The following SHC4 variants were observed in gnomAD, a reference collection of about 807,000 sequenced individuals.
SHC4 encodes SHC-transforming protein 4.
Under a neutral mutation model 69.4 loss-of-function variants are expected in SHC4, and 41 were observed. The observed-to-expected ratio is 0.59, with a 90% CI of 0.46 to 0.77. The LOEUF is 0.77. Among genes scored for constraint, SHC4 ranks in the 30% least tolerant of loss-of-function variants. SHC4 has a pLI of 0.00. For synonymous variants in SHC4, 318 were observed against 299.3 expected (o/e 1.06, Z -0.64); for missense variants, 777 against 783.8 (o/e 0.99, Z 0.10).
In SHC4 at chr15:48,890,742, A is replaced by G; in HGVS notation, c.720+6T>C. The G allele has an allele frequency of 2.5e-6, 4 of 1,614,068 alleles. No homozygotes were observed. The highest frequency in any genetic ancestry group is 2.2e-5 in the East Asian group (1 of 44,886). On this transcript the variant is annotated splice_donor_region_variant and intron_variant, in intron 3 of 11. Transcript: ENST00000332408. ...ACATAAACAAGAAAACCACATCATCATTTACCTTTCGCTTTTTAATGGCTC... is the reference window on the plus strand; with the variant it reads ...ACATAAACAAGAAAACCACATCATCGTTTACCTTTCGCTTTTTAATGGCTC...
At chr15:48,827,043 A>C (rs982673542) in intron 11 of SHC4, among the ~76,000 whole-genome samples, 3 of 152,128 alleles carry the variant, frequency 2.0e-5, no homozygotes. Context: ...GAAGCTGTAC[A>C]TTACTATCCA....
At chr15:48,954,060 C>T (rs1347531444) in intron 1 of SHC4, among the ~76,000 whole-genome samples, 2 of 152,192 alleles carry the variant, frequency 1.3e-5, no homozygotes, top group Non-Finnish European at 2.9e-5. Flanking sequence ...TAATCTACAT[C>T]CCGGGTTCAT....
chr15:48,873,637 A>T (rs755928928), intron 4 of SHC4, among the ~76,000 whole-genome samples: 11 of 152,162 alleles, frequency 7.2e-5, no homozygotes, highest in Non-Finnish European at 1.6e-4. Flanking sequence ...GCTACTCAGG[A>T]GTCTGAGGCA....
intron 1 of SHC4, among the ~76,000 whole-genome samples, chr15:48,955,998 G>C (rs1195688440): frequency 6.6e-6 from 1 of 152,166 alleles, no homozygotes; most frequent in Non-Finnish European, 1.5e-5. Context: ...TAAGGCTCTA[G>C]TGTCCAGGGG....
Position 48,867,800 on chromosome 15 carries a change from G to T in SHC4, c.946+18C>A. The stretch of plus-strand genomic sequence containing the variant: ...TATATACCAGCTCTTTAAAAAATCT[G>T]TAAGTTGCTTTCCATACCTCGTTGA... On this transcript the variant is annotated intron_variant, in intron 6 of 11. Transcript: ENST00000332408. 5.6e-6 allele frequency: 9 copies of T among 1,611,490 alleles called. No homozygotes were observed. The highest frequency in any genetic ancestry group is 7.6e-6 in the Non-Finnish European group (9 of 1,177,996).
intron 4 of SHC4, among the ~76,000 whole-genome samples, chr15:48,882,673 A>G (rs1484099158): frequency 3.3e-5 from 5 of 152,190 alleles, no homozygotes; most frequent in African/African-American, 1.2e-4. Flanking sequence ...GGCTGTCATT[A>G]TGATGGCTTC....
rs534593014 is a variant in SHC4 at position 48,869,032 on chromosome 15, C to T, written c.895-1163G>A. 2.0e-5 allele frequency among the ~76,000 whole-genome samples: 3 copies of T among 152,284 alleles called. No homozygotes were observed. The South Asian group carries it at 6.2e-4, about 32-fold the overall frequency. ...TGGGAAAGAGGCTGTGAGACCTCTA[C>T]AGACCTCAGTTTTCTCATTTTCAAA... is the stretch of plus-strand genomic sequence containing the variant. On this transcript the variant is annotated intron_variant, in intron 5 of 11. Transcript: ENST00000332408.
chr15:48,909,674 T>C (rs1486306379), intron 2 of SHC4, among the ~76,000 whole-genome samples: 5 of 152,228 alleles, frequency 3.3e-5, no homozygotes, highest in Non-Finnish European at 4.4e-5. Context: ...CTATTCAGTA[T>C]TATGTTGGCT....
chr15:48,863,343 A>G (rs2140987944), intron 6 of SHC4, among the ~76,000 whole-genome samples: 1 of 152,194 alleles, frequency 6.6e-6, no homozygotes, highest in South Asian at 2.1e-4. Context: ...TACTATACAC[A>G]ATCTTCATAA....
At chr15:48,953,763 G>A (rs978422750) in intron 1 of SHC4, among the ~76,000 whole-genome samples, 1 of 152,178 alleles carries the variant, frequency 6.6e-6, no homozygotes, top group African/African-American at 2.4e-5. Flanking sequence ...TAGCCCGAGT[G>A]CTCCTGGGTT....
chr15:48,935,438 C>A (rs776438346), intron 1 of SHC4, among the ~76,000 whole-genome samples: 12 of 152,138 alleles, frequency 7.9e-5, no homozygotes, highest in Non-Finnish European at 1.3e-4. Flanking sequence ...ATGCCCAGCA[C>A]CTCTTACAGT....
At chr15:48,944,788 G>T (rs1049755899) in intron 1 of SHC4, among the ~76,000 whole-genome samples, 1 of 152,106 alleles carries the variant, frequency 6.6e-6, no homozygotes, top group African/African-American at 2.4e-5. Flanking sequence ...CTGTGAAAAG[G>T]TTTCTTACTC....
intron 1 of SHC4, among the ~76,000 whole-genome samples, chr15:48,941,196 T>C (rs960057158): frequency 1.3e-5 from 2 of 152,148 alleles, no homozygotes; most frequent in African/African-American, 4.8e-5. Context: ...CAGAAGAGTA[T>C]AAGACAGCAG....
At chr15:48,849,657 C>CA (rs1160009898) in intron 9 of SHC4, among the ~76,000 whole-genome samples, 1 of 152,124 alleles carries the variant, frequency 6.6e-6, no homozygotes, top group Non-Finnish European at 1.5e-5. Flanking sequence ...AACATGGTTG[C>CA]AATACCACAA....
intron 2 of SHC4, among the ~76,000 whole-genome samples, chr15:48,920,577 A>G (rs1347587470): frequency 1.3e-5 from 2 of 152,106 alleles, no homozygotes; most frequent in Admixed American, 1.3e-4. Context: ...GCCCGGCCAG[A>G]GATTTTTTTA....
Position 48,866,620 on chromosome 15 carries a change from C to T in SHC4, c.946+1198G>A, listed in dbSNP as rs944098137. 4.6e-5 allele frequency among the ~76,000 whole-genome samples: 7 copies of T among 152,162 alleles called. No individual in the cohort carries two copies. The East Asian group carries it at 1.3e-3, about 29-fold the overall frequency. On this transcript the variant is annotated intron_variant, in intron 6 of 11. Transcript: ENST00000332408. Reference sequence around the variant, plus strand: ...ACCCATCTGCCCATGGGATTAAGTCCCTACTCATTAGCTCTCTCGTGTCTG... The same window carrying T: ...ACCCATCTGCCCATGGGATTAAGTCTCTACTCATTAGCTCTCTCGTGTCTG...
chr15:48,875,427 T>C (rs975122982), intron 4 of SHC4, among the ~76,000 whole-genome samples: 2 of 152,246 alleles, frequency 1.3e-5, no homozygotes, highest in African/African-American at 2.4e-5. Context: ...GAAGAGTTGA[T>C]CCTGCCTGCT....
At position 48,867,827 on chromosome 15, in the gene SHC4, T is replaced by C. The variant is rs778372746; in HGVS notation, c.937A>G (p.Asn313Asp). ...AAGTTGCTTTCCATACCTCGTTGAT[T>C]AACTGGATCTTTAGCTACGTAGGCA... Reference protein sequence around the residue: ...YVAYVAKDPVNQRACHILECH... With the variant: ...YVAYVAKDPVDQRACHILECH... The change falls in exon 6 of 12, where the codon AAT becomes GAT. Residue 313 changes from asparagine (N) to aspartate (D), a missense_variant. Physicochemically the swap from Asn to Asp is conservative, Grantham distance 23. Coordinates refer to ENST00000332408, the MANE Select transcript of SHC4 (RefSeq NM_203349.4). 1.4e-5 allele frequency: 23 copies of C among 1,613,542 alleles called. No homozygotes were observed. The South Asian group carries it at 2.4e-4, about 17-fold the overall frequency.
chr15:48,937,738 C>T (rs184492224), intron 1 of SHC4, among the ~76,000 whole-genome samples: 1 of 152,250 alleles, frequency 6.6e-6, no homozygotes, highest in East Asian at 1.9e-4. Flanking sequence ...TATCCAATAA[C>T]TTATAGTGAC....
Sources: gnomAD v4.1 joint callset for allele counts (sites outside exome capture counted in the v4.1 genomes callset) on GRCh38, gnomAD v4.1.1 for gene constraint, MANE v1.5 for transcripts, NCBI Gene and HGNC (gene_info 2026-07-23, HGNC 2026-07-21) for gene names.